The following TLL1 variants were observed in gnomAD, a reference collection of about 807,000 sequenced individuals.
The protein encoded by TLL1 is tolloid-like protein 1.
In TLL1, 49 loss-of-function variants were observed where a neutral mutation model predicts 128.2. The observed-to-expected ratio is 0.38, with a 90% CI of 0.30 to 0.48. TLL1 has a LOEUF of 0.48. TLL1 is among the 20% of genes least tolerant of loss of function. The probability of loss-of-function intolerance (pLI) is 0.96; values close to 1 mark genes in which losing one functional copy is unlikely to be tolerated. For synonymous variants in TLL1, 454 were observed against 418.8 expected, an observed-to-expected ratio of 1.08 and a Z score of -1.03; for missense variants, 1,123 against 1,242.0, an observed-to-expected ratio of 0.90 and a Z score of 1.44.
At chr4:166,016,168 A>G (rs1737935169) in intron 8 of TLL1, among the ~76,000 whole-genome samples, 1 of 152,076 alleles carries the variant, frequency 6.6e-6, no homozygotes, top group Non-Finnish European at 1.5e-5. Context: ...TGTAAGATAC[A>G]CATGTATATG....
rs112517603 is a variant in TLL1, at chr4:166,065,748, A to G, written c.2073A>G (p.Lys691=). 9.0e-4 allele frequency: 1,445 copies of G among 1,613,146 alleles called. 14 individuals are homozygous for G. In the African/African-American group the frequency reaches 0.017, roughly 19 times the overall value. Residue 691 remains lysine, a synonymous_variant, in exon 16 of 21, where the codon AAA becomes AAG. Transcript: ENST00000061240. ...GLSSESKLHG[K]FCGAEVPEVI... Reference sequence around the variant, plus strand: ...CCTCTGAGTCTAAACTGCATGGCAAATTCTGTGGCGCTGAAGTGCCTGAAG... The same window carrying G: ...CCTCTGAGTCTAAACTGCATGGCAAGTTCTGTGGCGCTGAAGTGCCTGAAG...
At chr4:166,087,532 G>A (rs1227577861) in intron 18 of TLL1, among the ~76,000 whole-genome samples, 1 of 152,116 alleles carries the variant, frequency 6.6e-6, no homozygotes, top group Non-Finnish European at 1.5e-5. Flanking sequence ...TGGGACTGGG[G>A]ACCTCTAAAG....
chr4:165,954,545 T>C (rs1025224364), intron 1 of TLL1, among the ~76,000 whole-genome samples: 7 of 152,058 alleles, frequency 4.6e-5, no homozygotes, highest in Non-Finnish European at 7.4e-5. Context: ...TGGATGCCTA[T>C]GTAACTTTGC....
chr4:166,063,976 C>A (rs2111123446), intron 15 of TLL1, among the ~76,000 whole-genome samples: 1 of 151,540 alleles, frequency 6.6e-6, no homozygotes. Context: ...CACATGTACC[C>A]TAGAACTTAA....
chr4:166,100,080 A>G (rs1742221717), intron 20 of TLL1, among the ~76,000 whole-genome samples: 1 of 152,140 alleles, frequency 6.6e-6, no homozygotes, highest in Non-Finnish European at 1.5e-5. Flanking sequence ...ACCATGAGAA[A>G]TAAGGAAAAG....
At chr4:165,959,991 G>T (rs909924689) in intron 1 of TLL1, among the ~76,000 whole-genome samples, 1 of 151,958 alleles carries the variant, frequency 6.6e-6, no homozygotes, top group African/African-American at 2.4e-5. Flanking sequence ...GACTATATTC[G>T]AGCAGAGCTG....
At position 165,928,473 on chromosome 4, in the gene TLL1, G is replaced by C. The variant is rs533413067; in HGVS notation, c.169+54400G>C. 2.6e-5 allele frequency among the ~76,000 whole-genome samples: 4 copies of C among 152,224 alleles called. No homozygotes were observed. In the East Asian group the frequency reaches 7.7e-4, roughly 29 times the overall value. ...TTGAATTGGCTATTGAAGGAGAGTA[G>C]GGATTTGCCAGGAGAAAAGGAGGAA... is the stretch of plus-strand genomic sequence containing the variant. On this transcript the variant is annotated intron_variant, in intron 1 of 20. Coordinates refer to ENST00000061240, the MANE Select transcript of TLL1 (RefSeq NM_012464.5).
chr4:166,015,344 C>A (rs1010758569), intron 8 of TLL1, among the ~76,000 whole-genome samples: 1 of 151,916 alleles, frequency 6.6e-6, no homozygotes, highest in Non-Finnish European at 1.5e-5. Flanking sequence ...AAGTATTGTT[C>A]TAGATACTTA....
At chr4:166,026,669 A>C (rs1738510217) in intron 9 of TLL1, among the ~76,000 whole-genome samples, 1 of 152,086 alleles carries the variant, frequency 6.6e-6, no homozygotes, top group Non-Finnish European at 1.5e-5. Context: ...CCTGGACGAT[A>C]AGAGCGAAAC....
intron 1 of TLL1, among the ~76,000 whole-genome samples, chr4:165,881,375 G>A (rs557545344): frequency 1.3e-5 from 2 of 152,328 alleles, no homozygotes; most frequent in East Asian, 1.9e-4. Flanking sequence ...TTCTGGATAC[G>A]TGAGGAAAAC....
chr4:165,973,811 G>C (rs1346302893), intron 1 of TLL1, among the ~76,000 whole-genome samples: 1 of 151,870 alleles, frequency 6.6e-6, no homozygotes, highest in African/African-American at 2.4e-5. Flanking sequence ...AAATACAGGT[G>C]TGAGCCACCA....
intron 1 of TLL1, among the ~76,000 whole-genome samples, chr4:165,898,167 A>G (rs962074257): frequency 6.6e-6 from 1 of 152,188 alleles, no homozygotes; most frequent in African/African-American, 2.4e-5. Context: ...CAGTCATGTC[A>G]TCTGCAAACA....
chr4:166,044,025 C>T (rs369164139), intron 12 of TLL1, among the ~76,000 whole-genome samples: 1 of 152,040 alleles, frequency 6.6e-6, no homozygotes, highest in South Asian at 2.1e-4. Flanking sequence ...GCCCGTGAGT[C>T]ATTTTTGTGG....
chr4:165,939,883 A>G (rs1733928222), intron 1 of TLL1, among the ~76,000 whole-genome samples: 1 of 152,050 alleles, frequency 6.6e-6, no homozygotes, highest in Non-Finnish European at 1.5e-5. Context: ...GACTTCTTGT[A>G]CATAAACTGC....
intron 1 of TLL1, among the ~76,000 whole-genome samples, chr4:165,947,182 C>T (rs1323271166): frequency 1.3e-5 from 2 of 152,042 alleles, no homozygotes; most frequent in African/African-American, 4.8e-5. Flanking sequence ...TTACTGTGTA[C>T]ACATATGACC....
chr4:165,902,270 G>A (rs545018789), intron 1 of TLL1, among the ~76,000 whole-genome samples: 159 of 151,338 alleles, frequency 1.1e-3, no homozygotes, highest in South Asian at 4.6e-3. Flanking sequence ...TCTCACTGGC[G>A]TTCCAGGTGC....
intron 1 of TLL1, among the ~76,000 whole-genome samples, chr4:165,959,144 A>G (rs1389238284): frequency 2.0e-5 from 3 of 151,784 alleles, no homozygotes; most frequent in African/African-American, 7.3e-5. Context: ...GTCAGGTAGC[A>G]TGATGCCTCC....
intron 1 of TLL1, among the ~76,000 whole-genome samples, chr4:165,984,118 C>A (rs1736288548): frequency 6.6e-6 from 1 of 151,820 alleles, no homozygotes; most frequent in Admixed American, 6.6e-5. Context: ...GCAGATACTT[C>A]CTTTTCTATT....
At chr4:165,988,273 A>G (rs946349863) in intron 1 of TLL1, among the ~76,000 whole-genome samples, 3 of 152,116 alleles carry the variant, frequency 2.0e-5, no homozygotes, top group East Asian at 1.9e-4. Flanking sequence ...ACAATGGTTT[A>G]TAGAGCTTTG....
Sources: gnomAD v4.1 joint callset for allele counts (sites outside exome capture counted in the v4.1 genomes callset) on GRCh38, gnomAD v4.1.1 for gene constraint, MANE v1.5 for transcripts, NCBI Gene and HGNC (gene_info 2026-07-23, HGNC 2026-07-21) for gene names.